The following GK variants were observed in gnomAD, a reference collection of about 807,000 sequenced individuals.
GK encodes glycerol kinase, also known as ATP:glycerol 3-phosphotransferase.
In GK, 9 loss-of-function variants were observed where a neutral mutation model predicts 56.4. The ratio of observed to expected loss-of-function variants is 0.16; its 90% confidence interval spans 0.10 to 0.28. The LOEUF (loss-of-function observed/expected upper bound fraction) is 0.28, where lower values mean the gene tolerates loss of function less well. Among genes scored for constraint, GK ranks in the 10% least tolerant of loss-of-function variants. GK has a pLI of 1.00. For synonymous variants in GK, 104 were observed against 144.1 expected, an observed-to-expected ratio of 0.72 and a Z score of 1.99; for missense variants, 161 against 431.4, an observed-to-expected ratio of 0.37 and a Z score of 5.55.
intron 9 of GK, among the ~76,000 whole-genome samples, chrX:30,699,241 AACATGT>A (rs1472884107): frequency 2.0e-5 from 2 of 99,386 alleles, no homozygotes; most frequent in African/African-American, 7.7e-5. Context: ...TGTTATGTAT[AACATGT>A]TATATATACA....
intron 3 of GK, chrX:30,674,380 T>C (rs1198490665): frequency 6.1e-6 from 2 of 328,576 alleles, no homozygotes; most frequent in African/African-American, 5.3e-5. Context: ...CTGTGCTTAA[T>C]ATCTGGATCT....
At position 30,729,918 on chromosome X, in the gene GK, G is replaced by GAA. The variant is rs1310214201; in HGVS notation, c.*1182_*1183dup. 3.6e-5 allele frequency: 4 copies of GAA among 111,572 alleles called. No homozygotes were observed. Among genetic ancestry groups the GAA allele is most frequent in the Non-Finnish European group, 7.6e-5 (4 of 52,939 alleles). The allele number at this position is 111,572 out of a possible 1,213,427, so 9.2% of individuals were successfully genotyped here. A position where few individuals can be genotyped will look rare whatever the true frequency, so the allele number is the denominator to read the frequency against. On this transcript the variant is annotated 3_prime_UTR_variant, in exon 21 of 21. Transcript: ENST00000427190. Reference sequence around the variant, plus strand: ...GTCAAAAAAGTTAAATACCTAAGTAGAAAAAAATATAGAAATAAAGCCAAG... The same window carrying GAA: ...GTCAAAAAAGTTAAATACCTAAGTAGAAAAAAAAATATAGAAATAAAGCCAAG...
intron 3 of GK, chrX:30,674,214 C>A: frequency 3.1e-6 from 1 of 321,949 alleles, no homozygotes; most frequent in Non-Finnish European, 6.1e-6. Context: ...CTAGGAAGCA[C>A]AGGAATTGGA....
chrX:30,653,670 C>A, intron 1 of GK, 55 bp downstream of exon 1: 1 of 1,016,531 alleles, frequency 9.8e-7, no homozygotes, highest in Non-Finnish European at 1.4e-6. Context: ...AGTCGGGGGA[C>A]GGAGGGGGTG....
rs769700823 is a variant in GK, at chrX:30,703,517, ATGTCATCTAGGTACCTGGACCC to A, written c.851+2616_851+2637del. ...GAGGAGAAAGGGAGGGGAAGTAGGT[ATGTCATCTAGGTACCTGGACCC>A]TGTGGTTAGGCTTAGCCAAAGTAAG... On this transcript the variant is annotated intron_variant, in intron 11 of 20. Transcript: ENST00000427190. Among the ~76,000 whole-genome samples the A allele has an allele frequency of 9.9e-5, 11 of 111,571 alleles. No individual in the cohort carries two copies. The South Asian group carries it at 1.1e-3, about 12-fold the overall frequency.
intron 11 of GK, among the ~76,000 whole-genome samples, chrX:30,702,393 T>A (rs1935734755): frequency 8.9e-6 from 1 of 112,702 alleles, no homozygotes; most frequent in Non-Finnish European, 1.9e-5. Context: ...TACGTATTCA[T>A]GAACAAAATT....
At chrX:30,671,121 C>A (rs1364798652) in intron 3 of GK, among the ~76,000 whole-genome samples, 1 of 107,772 alleles carries the variant, frequency 9.3e-6, no homozygotes, top group African/African-American at 3.4e-5. Context: ...GAAACCCTGT[C>A]TCTACTAAAA....
chrX:30,667,010 C>G (rs781581898), intron 2 of GK, among the ~76,000 whole-genome samples: 1 of 110,414 alleles, frequency 9.1e-6, no homozygotes, highest in Non-Finnish European at 1.9e-5. Context: ...AAAAATTAGC[C>G]GGGCGTGGTG....
intron 11 of GK, among the ~76,000 whole-genome samples, chrX:30,706,575 C>G (rs1053107653): frequency 1.8e-5 from 2 of 112,169 alleles, no homozygotes; most frequent in African/African-American, 3.2e-5. Flanking sequence ...TTACTGGTAT[C>G]ACTTTGGGCC....
At chrX:30,725,072 G>A (rs1282547851) in intron 19 of GK, among the ~76,000 whole-genome samples, 1 of 109,914 alleles carries the variant, frequency 9.1e-6, no homozygotes, top group African/African-American at 3.3e-5. Flanking sequence ...TAGGAGAGAC[G>A]GGGTTTCACC....
At chrX:30,708,031 TC>T (rs778677791) in intron 12 of GK, 22 bp from the exon 13 acceptor site, 4 of 1,001,873 alleles carry the variant, frequency 4.0e-6, no homozygotes. Flanking sequence ...ACTACTGAAA[TC>T]TTTTTTTTTT....
chrX:30,720,538 G>C, intron 16 of GK, 83 bp from the exon 17 acceptor site: 1 of 881,261 alleles, frequency 1.1e-6, no homozygotes, highest in East Asian at 3.1e-5. Flanking sequence ...AAGCTCTTGA[G>C]AGTTTCTGAG....
intron 1 of GK, among the ~76,000 whole-genome samples, chrX:30,661,034 G>A (rs1349716126): frequency 9.1e-6 from 1 of 109,545 alleles, no homozygotes; most frequent in African/African-American, 3.3e-5. Flanking sequence ...GGATGGTCTT[G>A]ATCTCTTGAC....
rs1007713706 is a variant in GK, at chrX:30,719,640, G to A, written c.1151+125G>A. The A allele has an allele frequency of 3.2e-5, 15 of 472,602 alleles. No individual in the cohort carries two copies. The African/African-American group carries it at 3.4e-4, about 11-fold the overall frequency. 38.9% of individuals were successfully genotyped at this position (472,602 alleles called of 1,213,427 possible). ...TGTGTTGAGAAAACCTTTTCTTTTT[G>A]GAGAATATAATTTCAGAAACTTTAA... On this transcript the variant is annotated intron_variant, in intron 15 of 20. Transcript: ENST00000427190.
intron 4 of GK, among the ~76,000 whole-genome samples, chrX:30,685,045 A>C (rs946882793): frequency 8.9e-6 from 1 of 112,696 alleles, no homozygotes; most frequent in Non-Finnish European, 1.9e-5. Context: ...GTTTCAAAGA[A>C]TCAGCAGAAA....
At chrX:30,724,574 T>G (rs6631161) in intron 19 of GK, 104,883 of 291,837 alleles carry the variant, frequency 0.36, 12,771 homozygotes, top group Middle Eastern at 0.51. Context: ...CTGAAAGCTG[T>G]ATTAATTTCA....
intron 1 of GK, among the ~76,000 whole-genome samples, chrX:30,656,768 TA>T: frequency 8.8e-6 from 1 of 113,042 alleles, no homozygotes; most frequent in Non-Finnish European, 1.9e-5. Flanking sequence ...GAACAGCACT[TA>T]AAGACTGTTC....
At chrX:30,672,736 C>T (rs984718028) in intron 3 of GK, among the ~76,000 whole-genome samples, 2 of 111,303 alleles carry the variant, frequency 1.8e-5, no homozygotes, top group African/African-American at 6.5e-5. Flanking sequence ...ATCACTTGAA[C>T]CAGGGAGGCA....
chrX:30,666,545 G>T (rs1933090135), intron 2 of GK, among the ~76,000 whole-genome samples: 1 of 111,629 alleles, frequency 9.0e-6, no homozygotes, highest in Non-Finnish European at 1.9e-5. Flanking sequence ...TGGGGTGTTG[G>T]TTAGATGGGT....
Sources: gnomAD v4.1 joint callset for allele counts (sites outside exome capture counted in the v4.1 genomes callset) on GRCh38, gnomAD v4.1.1 for gene constraint, MANE v1.5 for transcripts, NCBI Gene and HGNC (gene_info 2026-07-23, HGNC 2026-07-21) for gene names.